Variants in STARD13 observed in about 807,000 individuals in gnomAD.
The protein encoded by STARD13 is StAR related lipid transfer domain containing 13.
A neutral mutation model predicts 106.4 loss-of-function variants in STARD13; 62 were observed. That is an observed-to-expected ratio of 0.58 (90% CI 0.48 to 0.72). STARD13 has a LOEUF of 0.72. STARD13 is among the 30% of genes least tolerant of loss of function. STARD13 has a pLI of 0.00. For missense variants in STARD13, 1,387 were observed against 1,424.0 expected (o/e 0.97, Z 0.42); for synonymous variants, 565 against 553.0 (o/e 1.02, Z -0.31).
the STARD13 span, among the ~76,000 whole-genome samples, chr13:33,424,771 T>C: frequency 6.6e-6 from 1 of 152,166 alleles, no homozygotes; most frequent in African/African-American, 2.4e-5. Flanking sequence ...GCGGTAGTGG[T>C]AGGCATGTAT....
At chr13:33,596,502 C>G in the STARD13 span, among the ~76,000 whole-genome samples, 180 of 152,274 alleles carry the variant, frequency 1.2e-3, no homozygotes, top group African/African-American at 4.1e-3. Context: ...ATGATCAAAT[C>G]AGGGCATTTA....
chr13:33,229,052 G>C (rs1011510306), intron 1 of STARD13, among the ~76,000 whole-genome samples: 6 of 152,218 alleles, frequency 3.9e-5, no homozygotes, highest in Non-Finnish European at 7.3e-5. Context: ...ACTCTGGCAG[G>C]CTTTGACTAG....
the STARD13 span, among the ~76,000 whole-genome samples, chr13:33,484,961 T>A: frequency 2.6e-5 from 4 of 152,202 alleles, no homozygotes; most frequent in Admixed American, 2.6e-4. Flanking sequence ...CAACCATTCA[T>A]AACCTTTAAC....
chr13:33,467,452 G>T, the STARD13 span, among the ~76,000 whole-genome samples: 12 of 152,074 alleles, frequency 7.9e-5, no homozygotes, highest in Admixed American at 7.2e-4. Flanking sequence ...TTGCTCACTT[G>T]CCCACCATTC....
chr13:33,365,826 G>A, the STARD13 span, among the ~76,000 whole-genome samples: 1 of 152,114 alleles, frequency 6.6e-6, no homozygotes, highest in East Asian at 1.9e-4. Context: ...ATAAAACATA[G>A]TAGTTTTCAC....
chr13:33,556,776 G>C, the STARD13 span, among the ~76,000 whole-genome samples: 1 of 151,756 alleles, frequency 6.6e-6, no homozygotes, highest in Admixed American at 6.6e-5. Context: ...CTTTTTTTGT[G>C]TGTTTGTGTG....
the STARD13 span, among the ~76,000 whole-genome samples, chr13:33,617,678 G>A: frequency 9.6e-4 from 146 of 152,226 alleles, 2 homozygotes; most frequent in East Asian, 0.02. Context: ...AACAGCAGGT[G>A]GTAGAGATCA....
intron 1 of STARD13, among the ~76,000 whole-genome samples, chr13:33,225,749 TAATTA>T (rs1888592260): frequency 6.6e-6 from 1 of 150,666 alleles, no homozygotes; most frequent in African/African-American, 2.5e-5. Flanking sequence ...ATCTTTTCCT[TAATTA>T]AAAAAAAAAC....
At chr13:33,423,704 T>C in the STARD13 span, among the ~76,000 whole-genome samples, 2 of 152,184 alleles carry the variant, frequency 1.3e-5, no homozygotes, top group Non-Finnish European at 2.9e-5. Flanking sequence ...CAAATGTTCA[T>C]CAAGGATAGA....
At chr13:33,550,194 G>T in the STARD13 span, among the ~76,000 whole-genome samples, 1 of 152,108 alleles carries the variant, frequency 6.6e-6, no homozygotes, top group African/African-American at 2.4e-5. Context: ...ATTCCCTACA[G>T]CAAGCAAGAG....
the STARD13 span, among the ~76,000 whole-genome samples, chr13:33,664,664 T>C: frequency 5.8e-4 from 89 of 152,342 alleles, 1 homozygote; most frequent in African/African-American, 2.1e-3. Context: ...TCTCGGTCTG[T>C]TATCCAGGCT....
chr13:33,483,263 G>A, the STARD13 span, among the ~76,000 whole-genome samples: 4 of 152,132 alleles, frequency 2.6e-5, no homozygotes, highest in African/African-American at 9.7e-5. Context: ...AACTTACAGT[G>A]GTAAGTAGCC....
At chr13:33,282,715 T>C (rs1178076378) in intron 1 of STARD13, among the ~76,000 whole-genome samples, 1 of 152,188 alleles carries the variant, frequency 6.6e-6, no homozygotes, top group Admixed American at 6.5e-5. Context: ...TATTTGCACA[T>C]GATTAATGGA....
chr13:33,142,252 C>T (rs1879929674), intron 4 of STARD13, 58 bp downstream of exon 4: 2 of 1,341,430 alleles, frequency 1.5e-6, no homozygotes, highest in African/African-American at 1.4e-5. Context: ...TCAGATTGAT[C>T]TCAAACTCCT....
chr13:33,404,727 A>G, the STARD13 span, among the ~76,000 whole-genome samples: 16 of 151,542 alleles, frequency 1.1e-4, no homozygotes, highest in East Asian at 3.1e-3. Flanking sequence ...TTGTCACACC[A>G]TGCCAAAGGG....
At chr13:33,652,377 C>T in the STARD13 span, among the ~76,000 whole-genome samples, 7 of 152,200 alleles carry the variant, frequency 4.6e-5, no homozygotes, top group Non-Finnish European at 1.0e-4. Flanking sequence ...ATTTAAGCCA[C>T]AATTTGATGA....
chr13:33,503,280 T>C, the STARD13 span, among the ~76,000 whole-genome samples: 1 of 152,164 alleles, frequency 6.6e-6, no homozygotes, highest in Non-Finnish European at 1.5e-5. Context: ...CTTTTCTTCT[T>C]TATTAGTCTT....
the STARD13 span, among the ~76,000 whole-genome samples, chr13:33,593,430 G>A: frequency 1.8e-3 from 267 of 152,176 alleles, no homozygotes; most frequent in African/African-American, 5.9e-3. Flanking sequence ...GGTGATCCCC[G>A]CCTTGGCCTC....
chr13:33,549,437 A>G, the STARD13 span, among the ~76,000 whole-genome samples: 14 of 152,202 alleles, frequency 9.2e-5, no homozygotes, highest in African/African-American at 2.4e-4. Context: ...ACCAAAATCT[A>G]TTGAATGAGA....
Sources: allele counts gnomAD v4.1 joint callset (sites outside exome capture counted in the v4.1 genomes callset), GRCh38; gene constraint gnomAD v4.1.1; transcripts MANE v1.5; gene names NCBI Gene and HGNC (gene_info 2026-07-23, HGNC 2026-07-21).